MTMR10: variants seen among roughly 807,000 people sequenced by gnomAD.
The protein encoded by MTMR10 is myotubularin related protein 10, also known as myotubularin-related protein 10.
MTMR10 carries 56 observed loss-of-function variants against 88.1 expected under a neutral mutation model. The ratio of observed to expected loss-of-function variants is 0.64; its 90% confidence interval spans 0.51 to 0.79. The LOEUF is 0.79. Among genes scored for constraint, MTMR10 ranks in the 30% least tolerant of loss-of-function variants. MTMR10 has a pLI of 0.00. For missense variants in MTMR10, 883 were observed against 924.7 expected, an observed-to-expected ratio of 0.95 and a Z score of 0.58; for synonymous variants, 380 against 340.9, an observed-to-expected ratio of 1.11 and a Z score of -1.26.
rs746779689 is a variant in MTMR10, at chr15:30,958,865, C to G, written c.933G>C (p.Gln311His). The part of the protein sequence containing the change: ...KDVLQQRKID[Q>H]RICNAITKSH... ...GACAATGACCATTTCTCAATTACCT[C>G]TGGTCAATCTTCCTCTGCTGCAGCA... is the stretch of plus-strand genomic sequence containing the variant. The change falls in exon 9 of 16, where the codon CAG becomes CAC. Residue 311 changes from glutamine (Q) to histidine (H), a missense_variant and splice_region_variant. Coordinates refer to ENST00000435680, the MANE Select transcript of MTMR10 (RefSeq NM_017762.3). 2 of 1,613,552 alleles carry G rather than the reference C, an allele frequency of 1.2e-6. No individual in the cohort carries two copies. Among genetic ancestry groups the G allele is most frequent in the East Asian group, 2.2e-5 (1 of 44,892 alleles).
chr15:30,944,357 G>GGACCT (rs1406977109), intron 14 of MTMR10, among the ~76,000 whole-genome samples: 1 of 152,028 alleles, frequency 6.6e-6, no homozygotes, highest in Non-Finnish European at 1.5e-5. Flanking sequence ...CACGAGGTCA[G>GGACCT]GAGTTCAAGA....
intron 5 of MTMR10, among the ~76,000 whole-genome samples, chr15:30,968,568 C>CACAT (rs1243290164): frequency 8.8e-5 from 13 of 148,238 alleles, no homozygotes; most frequent in Middle Eastern, 3.2e-3. Context: ...CACACACACA[C>CACAT]ACACACACAA....
chr15:30,959,034 T>C lies in MTMR10; in HGVS notation c.846A>G (p.Pro282=). The C allele has an allele frequency of 6.2e-7, 1 of 1,613,724 alleles. No homozygotes were observed. The highest frequency in any genetic ancestry group is 1.1e-5 in the South Asian group (1 of 91,080). Residue 282 remains proline, a splice_region_variant and synonymous_variant, in exon 8 of 16, where the codon CCA becomes CCG. Transcript: ENST00000435680. ...ATAAAATCCAACAGAAATCACTTAC[T>C]GGCATCCTTCTCCCAACAAAAGAAT... ...FSHSFVGRRM[P]LWCWSHSNGS...
In MTMR10 at chr15:30,985,686, C is replaced by T. The variant is rs142594559; in HGVS notation, c.121+5091G>A. 7.9e-5 allele frequency among the ~76,000 whole-genome samples: 12 copies of T among 152,292 alleles called. No homozygotes were observed. The East Asian group carries it at 2.3e-3, about 29-fold the overall frequency. ...GTTCAAAGTATGTTCAGAAACATGC[C>T]TGGTAATAGCTTAGCAAAAAGAAGA... On this transcript the variant is annotated intron_variant, in intron 2 of 15. Transcript: ENST00000435680.
At chr15:30,926,332 T>C in the MTMR10 span, among the ~76,000 whole-genome samples, 3 of 152,228 alleles carry the variant, frequency 2.0e-5, no homozygotes, top group African/African-American at 7.2e-5. Context: ...TCAGGGGCCC[T>C]GCGGCCCATG....
chr15:30,920,412 T>G, the MTMR10 span: 354 of 642,314 alleles, frequency 5.5e-4, no homozygotes, highest in African/African-American at 6.2e-3. Flanking sequence ...GTGTAGAAAA[T>G]TGTACACAAC....
In MTMR10 at chr15:30,984,107, T is replaced by C. The variant is rs771269630; in HGVS notation, c.121+6670A>G. 2.1e-4 allele frequency among the ~76,000 whole-genome samples: 32 copies of C among 152,250 alleles called. No homozygotes were observed. The East Asian group carries it at 3.7e-3, about 17-fold the overall frequency. On this transcript the variant is annotated intron_variant, in intron 2 of 15. Transcript: ENST00000435680. ...GGCATGATTGAAGCAAATATCAATA[T>C]TGGGAAATACTGAGAAATGAAGTCA... is the stretch of plus-strand genomic sequence containing the variant.
intron 2 of MTMR10, among the ~76,000 whole-genome samples, chr15:30,982,965 G>T (rs937357202): frequency 2.0e-5 from 3 of 152,196 alleles, no homozygotes; most frequent in African/African-American, 4.8e-5. Flanking sequence ...TAAAAAGAAG[G>T]TACTGAGACT....
At chr15:30,961,681 C>T (rs2063404152) in intron 6 of MTMR10, among the ~76,000 whole-genome samples, 1 of 152,214 alleles carries the variant, frequency 6.6e-6, no homozygotes, top group Admixed American at 6.5e-5. Flanking sequence ...ATTGAAAACA[C>T]TTTGATCACG....
In MTMR10 at chr15:30,941,120, C is replaced by G. The variant is rs777798776; in HGVS notation, c.*350G>C. ...CACGAAACACAAATTTCCTAACTTT[C>G]CTGTTGTCTGCTGCCTGGGGCTGCT... On this transcript the variant is annotated 3_prime_UTR_variant, in exon 16 of 16. Transcript: ENST00000435680. 1.5e-4 allele frequency: 183 copies of G among 1,260,848 alleles called. 1 individual carries two copies. Among genetic ancestry groups the G allele is most frequent in the Non-Finnish European group, 1.8e-4 (180 of 979,196 alleles). The allele number at this position is 1,260,848 out of a possible 1,614,324, so 78.1% of individuals were successfully genotyped here.
the MTMR10 span, chr15:30,925,985 G>T: frequency 1.2e-6 from 2 of 1,600,880 alleles, 1 homozygote; most frequent in South Asian, 2.2e-5. Context: ...CCGGGTGGAC[G>T]AGCAGCAGCA....
At chr15:30,963,078 G>A (rs1362426507) in intron 6 of MTMR10, among the ~76,000 whole-genome samples, 1 of 152,132 alleles carries the variant, frequency 6.6e-6, no homozygotes, top group African/African-American at 2.4e-5. Context: ...TCCCAAAAAC[G>A]TAACTTCTAG....
the MTMR10 span, chr15:30,928,461 C>A: frequency 2.6e-6 from 4 of 1,548,538 alleles, no homozygotes; most frequent in South Asian, 4.9e-5. Flanking sequence ...ATTGAGTGTG[C>A]AGTAGGTTAT....
intron 2 of MTMR10, among the ~76,000 whole-genome samples, chr15:30,986,114 C>T (rs2030923193): frequency 6.6e-6 from 1 of 151,902 alleles, no homozygotes; most frequent in African/African-American, 2.4e-5. Context: ...CCCAGGAGTT[C>T]GAAACCAGCC....
chr15:30,931,300 A>G, the MTMR10 span, among the ~76,000 whole-genome samples: 1 of 151,914 alleles, frequency 6.6e-6, no homozygotes, highest in Non-Finnish European at 1.5e-5. Flanking sequence ...TTTTCTCATT[A>G]TTGAGTTTTG....
At chr15:30,928,528 G>GTGTGTGTA in the MTMR10 span, 1 of 1,611,856 alleles carries the variant, frequency 6.2e-7, no homozygotes, top group East Asian at 2.2e-5. Flanking sequence ...GTGTGTGTGT[G>GTGTGTGTA]TGTGTGTGTG....
intron 10 of MTMR10, 61 bp from the exon 11 acceptor site, chr15:30,953,692 T>C: frequency 1.9e-6 from 2 of 1,080,016 alleles, no homozygotes; most frequent in East Asian, 2.6e-5. Flanking sequence ...CCTATCAGAG[T>C]AAAGAGATAC....
intron 2 of MTMR10, among the ~76,000 whole-genome samples, chr15:30,987,311 T>C (rs2031000522): frequency 6.6e-6 from 1 of 152,252 alleles, no homozygotes; most frequent in African/African-American, 2.4e-5. Context: ...TCTCAGTGTC[T>C]ACCACATTCC....
chr15:30,982,233 T>C (rs1049857064), intron 2 of MTMR10, among the ~76,000 whole-genome samples: 3 of 152,150 alleles, frequency 2.0e-5, no homozygotes, highest in African/African-American at 7.2e-5. Context: ...GATGTGAACC[T>C]GAAACAGGTA....
Sources: gnomAD v4.1 joint callset for allele counts (sites outside exome capture counted in the v4.1 genomes callset) on GRCh38, gnomAD v4.1.1 for gene constraint, MANE v1.5 for transcripts, NCBI Gene and HGNC (gene_info 2026-07-23, HGNC 2026-07-21) for gene names.